Variants in SIPA1L1 observed in about 807,000 individuals in gnomAD.
The protein encoded by SIPA1L1 is signal-induced proliferation-associated 1-like protein 1.
Under a neutral mutation model 162.7 loss-of-function variants are expected in SIPA1L1, and 26 were observed. That is an observed-to-expected ratio of 0.16 (90% CI 0.12 to 0.22). The LOEUF (loss-of-function observed/expected upper bound fraction) is 0.22, where lower values mean the gene tolerates loss of function less well. Ranked by LOEUF, SIPA1L1 falls within the 10% of genes least tolerant of loss-of-function variation. SIPA1L1 has a pLI of 1.00. For missense variants in SIPA1L1, 1,874 were observed against 2,241.0 expected, an observed-to-expected ratio of 0.84 and a Z score of 3.31; for synonymous variants, 829 against 837.4, an observed-to-expected ratio of 0.99 and a Z score of 0.17.
chr14:71,730,063 A>G lies in SIPA1L1; in HGVS notation c.4623A>G (p.Ala1541=). ...TTGATCCTGTTTTTCAGTTCCACGCACTCTCCTCTCCTCAGTCTCCTTTCC... is the reference window on the plus strand; with the variant it reads ...TTGATCCTGTTTTTCAGTTCCACGCGCTCTCCTCTCCTCAGTCTCCTTTCC... ...PESQKSFKFH[A]LSSPQSPFPS... The change falls in exon 20 of 24, where the codon GCA becomes GCG. Residue 1541 remains alanine (A), a synonymous_variant. Coordinates refer to ENST00000381232, the MANE Select transcript of SIPA1L1 (RefSeq NM_001386936.1). 18 of 1,613,064 alleles carry G rather than the reference A, an allele frequency of 1.1e-5. No homozygotes were observed. Among genetic ancestry groups the G allele is most frequent in the Non-Finnish European group, 1.5e-5 (18 of 1,179,638 alleles).
At chr14:71,708,593 G>A (rs576561023) in intron 16 of SIPA1L1, among the ~76,000 whole-genome samples, 1 of 152,236 alleles carries the variant, frequency 6.6e-6, no homozygotes, top group Non-Finnish European at 1.5e-5. Flanking sequence ...CCAAAGTGCT[G>A]GGACTATAGG....
chr14:71,611,332 C>CA (rs567334987), intron 5 of SIPA1L1, among the ~76,000 whole-genome samples: 24 of 152,160 alleles, frequency 1.6e-4, no homozygotes, highest in Middle Eastern at 3.4e-3. Flanking sequence ...AGAAGTTGGA[C>CA]AAAAACAAAA....
intron 4 of SIPA1L1, chr14:71,574,670 A>T (rs1279688242): frequency 6.6e-6 from 1 of 150,472 alleles, no homozygotes; most frequent in African/African-American, 2.5e-5. Context: ...TAGTTAGAGG[A>T]TTTATTTTAC....
chr14:71,671,020 T>A, intron 10 of SIPA1L1, 99 bp from the exon 11 acceptor site: 1 of 918,014 alleles, frequency 1.1e-6, no homozygotes, highest in Non-Finnish European at 1.7e-6. Flanking sequence ...AGCTATTTTG[T>A]ATCTGAGGTA....
rs557786311 is a variant in SIPA1L1 at position 71,394,060 on chromosome 14, T to C, written c.-465+72879T>C. On this transcript the variant is annotated intron_variant, in intron 2 of 23. Transcript: ENST00000381232. The stretch of plus-strand genomic sequence containing the variant: ...CTAGATTGCTAGGGCAGCGTTGTTA[T>C]CTTCAGAAAGCTTCTTGGGATGTAT... Among the ~76,000 whole-genome samples the C allele has an allele frequency of 1.3e-4, 20 of 152,380 alleles. 1 individual carries two copies. The South Asian group carries it at 3.9e-3, about 30-fold the overall frequency.
intron 4 of SIPA1L1, among the ~76,000 whole-genome samples, chr14:71,585,099 T>C (rs182139418): frequency 2.0e-4 from 30 of 147,822 alleles, no homozygotes; most frequent in African/African-American, 7.3e-4. Flanking sequence ...CCAAAGTTTA[T>C]ATTGTACCCC....
At chr14:71,346,179 T>C (rs2036149151) in intron 2 of SIPA1L1, among the ~76,000 whole-genome samples, 1 of 152,178 alleles carries the variant, frequency 6.6e-6, no homozygotes, top group Non-Finnish European at 1.5e-5. Flanking sequence ...GTGCTGGGAT[T>C]ATAGGTGTGA....
At chr14:71,682,927 G>A (rs538548970) in intron 12 of SIPA1L1, among the ~76,000 whole-genome samples, 21 of 152,342 alleles carry the variant, frequency 1.4e-4, no homozygotes, top group Admixed American at 2.6e-4. Context: ...ACCGAGGCAG[G>A]TACATCACTT....
chr14:71,430,443 A>G (rs550687481), intron 2 of SIPA1L1, among the ~76,000 whole-genome samples: 20 of 152,172 alleles, frequency 1.3e-4, no homozygotes, highest in South Asian at 4.2e-4. Context: ...TATCTCTACA[A>G]TCCTCTAGCT....
chr14:71,477,391 A>G (rs1379032284), intron 2 of SIPA1L1, among the ~76,000 whole-genome samples: 1 of 152,150 alleles, frequency 6.6e-6, no homozygotes, highest in Non-Finnish European at 1.5e-5. Context: ...AACAAAAAAA[A>G]CAAAAACGCG....
intron 4 of SIPA1L1, chr14:71,575,082 A>C (rs1244388161): frequency 6.6e-6 from 1 of 152,202 alleles, no homozygotes; most frequent in Non-Finnish European, 1.5e-5. Context: ...AGGATTCAAA[A>C]TGTTTCCAAT....
At chr14:71,385,191 C>T (rs567855159) in intron 2 of SIPA1L1, among the ~76,000 whole-genome samples, 5 of 152,274 alleles carry the variant, frequency 3.3e-5, no homozygotes, top group Non-Finnish European at 2.9e-5. Flanking sequence ...TAAAATTGGT[C>T]GTGCTCTCAG....
chr14:71,597,404 A>G (rs1373844330), intron 5 of SIPA1L1, among the ~76,000 whole-genome samples: 3 of 151,230 alleles, frequency 2.0e-5, no homozygotes, highest in Non-Finnish European at 4.4e-5. Context: ...CTGTTTGTAT[A>G]TTTTACTTTT....
intron 2 of SIPA1L1, among the ~76,000 whole-genome samples, chr14:71,342,279 C>T (rs2035738587): frequency 6.6e-6 from 1 of 152,080 alleles, no homozygotes; most frequent in Non-Finnish European, 1.5e-5. Context: ...TTTTGTCCCC[C>T]AAAGTGCTGG....
chr14:71,450,190 T>C (rs1567039274), intron 2 of SIPA1L1, among the ~76,000 whole-genome samples: 2 of 152,162 alleles, frequency 1.3e-5, no homozygotes, highest in African/African-American at 4.8e-5. Flanking sequence ...TATACAGATA[T>C]ACCAGAAATA....
intron 4 of SIPA1L1, among the ~76,000 whole-genome samples, chr14:71,543,844 A>ATGTGTATATATACATATATCATATGTG (rs2054721095): frequency 6.9e-6 from 1 of 144,606 alleles, no homozygotes; most frequent in African/African-American, 2.6e-5. Flanking sequence ...TATCATATGT[A>ATGTGTATATATACATATATCATATGTG]TGTGTATATA....
intron 5 of SIPA1L1, among the ~76,000 whole-genome samples, chr14:71,617,254 C>T (rs1209691094): frequency 6.6e-6 from 1 of 152,212 alleles, no homozygotes; most frequent in African/African-American, 2.4e-5. Context: ...CAGCCCTACA[C>T]CCTGGACTTT....
chr14:71,650,599 C>T, intron 8 of SIPA1L1, 90 bp downstream of exon 8: 1 of 1,223,002 alleles, frequency 8.2e-7, no homozygotes, highest in East Asian at 2.4e-5. Flanking sequence ...GCAACATTGC[C>T]ATTTATCGCA....
intron 2 of SIPA1L1, among the ~76,000 whole-genome samples, chr14:71,378,674 T>C (rs1364006739): frequency 6.6e-6 from 1 of 152,156 alleles, no homozygotes; most frequent in African/African-American, 2.4e-5. Context: ...AACTTCTAGG[T>C]CATTCCTGAT....
Sources: allele counts gnomAD v4.1 joint callset (sites outside exome capture counted in the v4.1 genomes callset), GRCh38; gene constraint gnomAD v4.1.1; transcripts MANE v1.5; gene names NCBI Gene and HGNC (gene_info 2026-07-23, HGNC 2026-07-21).